Variants in KCNQ1 observed in about 807,000 individuals in gnomAD.
KCNQ1 encodes potassium voltage-gated channel subfamily Q member 1.
Under a neutral mutation model 72.4 loss-of-function variants are expected in KCNQ1, and 49 were observed. The ratio of observed to expected loss-of-function variants is 0.68; its 90% CI spans 0.54 to 0.86. The LOEUF (loss-of-function observed/expected upper bound fraction) is 0.86. Among genes scored for constraint, KCNQ1 ranks in the 40% least tolerant of loss-of-function variants. KCNQ1 has a pLI of 0.00. For missense variants in KCNQ1, 790 were observed against 945.1 expected, an observed-to-expected ratio of 0.84 and a Z score of 2.15; for synonymous variants, 450 against 412.6, an observed-to-expected ratio of 1.09 and a Z score of -1.10.
intron 1 of KCNQ1, among the ~76,000 whole-genome samples, chr11:2,487,701 G>A (rs1846765224): frequency 6.6e-6 from 1 of 151,960 alleles, no homozygotes; most frequent in South Asian, 2.1e-4. Flanking sequence ...AACTGATTTT[G>A]CATGTTTACC....
At chr11:2,610,024 ATAAT>A (rs1264726742) in intron 10 of KCNQ1, 3 of 397,976 alleles carry the variant, frequency 7.5e-6, no homozygotes, top group African/African-American at 4.1e-5. Context: ...TATTATTGAT[ATAAT>A]TAGATTTATA....
At position 2,486,993 on chromosome 11, in the gene KCNQ1, A is replaced by AT. The variant is rs1846750550; in HGVS notation, c.387-40930dup. Among the ~76,000 whole-genome samples, 1 of 152,126 alleles carries AT rather than the reference A, an allele frequency of 6.6e-6. No individual in the cohort carries two copies. The highest frequency in any genetic ancestry group is 2.1e-4 in the South Asian group (1 of 4,832). On this transcript the variant is annotated intron_variant, in intron 1 of 15. Coordinates refer to ENST00000155840, the MANE Select transcript of KCNQ1 (RefSeq NM_000218.3). The surrounding 1 kb of genome is among the most constrained non-coding windows in gnomAD (Gnocchi z 5.0). ...CTTTTGCCCTATGTTTTCTTCTAAG[A>AT]TTTTTATAGTTTTACGTTGCACATT...
rs1021698819 is a variant in KCNQ1, at chr11:2,599,680, T to C, written c.1393+10826T>C. 1.3e-5 allele frequency among the ~76,000 whole-genome samples: 2 copies of C among 152,182 alleles called. No homozygotes were observed. The highest frequency in any genetic ancestry group is 4.8e-5 in the African/African-American group (2 of 41,436). On this transcript the variant is annotated intron_variant, in intron 10 of 15. Transcript: ENST00000155840. The surrounding 1 kb of genome is among the most constrained non-coding windows in gnomAD (Gnocchi z 4.7). ...AAGGCTGCTTTCCCTGAGGCCTCTT[T>C]CCTTGCCTTGCAGATGGCCGCCTTC...
Position 2,469,742 on chromosome 11 carries a change from C to G in KCNQ1, c.386+24258C>G, listed in dbSNP as rs1050714182. Among the ~76,000 whole-genome samples, 5 of 151,812 alleles carry G rather than the reference C, an allele frequency of 3.3e-5. No individual in the cohort carries two copies. In the East Asian group the frequency reaches 5.9e-4, roughly 18 times the overall value. Reference sequence around the variant, plus strand: ...AGGCTGGAGTGCAGTGGCGCGATCTCGGCTCACTGCAAGCTCCGCCTTCCG... The same window carrying G: ...AGGCTGGAGTGCAGTGGCGCGATCTGGGCTCACTGCAAGCTCCGCCTTCCG... On this transcript the variant is annotated intron_variant, in intron 1 of 15. Coordinates refer to ENST00000155840, the MANE Select transcript of KCNQ1 (RefSeq NM_000218.3).
Position 2,484,392 on chromosome 11 carries a change from T to G in KCNQ1, c.386+38908T>G, listed in dbSNP as rs899904979. 6.6e-6 allele frequency among the ~76,000 whole-genome samples: 1 copy of G among 152,174 alleles called. No homozygotes were observed. The highest frequency in any genetic ancestry group is 2.4e-5 in the African/African-American group (1 of 41,444). ...GTTGGCCAGGCTGGTCTTGAACTCC[T>G]AACCTCAGGTGATCCACCCGCCTTG... On this transcript the variant is annotated intron_variant, in intron 1 of 15. Coordinates refer to ENST00000155840, the MANE Select transcript of KCNQ1 (RefSeq NM_000218.3). This position sits in a 1 kb window ranked among gnomAD's most constrained non-coding sequence, Gnocchi z 5.2.
chr11:2,587,535 A>C (rs1848608615), intron 8 of KCNQ1, 35 bp from the exon 9 acceptor site: 2 of 1,612,872 alleles, frequency 1.2e-6, no homozygotes, highest in Non-Finnish European at 1.7e-6. Context: ...CGGGTGGCTC[A>C]GCAGGTGACA....
chr11:2,766,287 G>C lies in KCNQ1; in HGVS notation c.1515-2557G>C, dbSNP rs1213022478. On this transcript the variant is annotated intron_variant, in intron 11 of 15. Coordinates refer to ENST00000155840, the MANE Select transcript of KCNQ1 (RefSeq NM_000218.3). This position sits in a 1 kb window ranked among gnomAD's most constrained non-coding sequence, Gnocchi z 4.4. The stretch of plus-strand genomic sequence containing the variant: ...GCAATCTGGGCTGCCCAGTTGGGTG[G>C]TCTCACTTGGATTCGATGACATGGC... 6.6e-6 allele frequency among the ~76,000 whole-genome samples: 1 copy of C among 152,204 alleles called. No homozygotes were observed. Among genetic ancestry groups the C allele is most frequent in the Non-Finnish European group, 1.5e-5 (1 of 68,038 alleles).
rs766591900 is a variant in KCNQ1, at chr11:2,477,348, T to C, written c.386+31864T>C. On this transcript the variant is annotated intron_variant, in intron 1 of 15. Coordinates refer to ENST00000155840, the MANE Select transcript of KCNQ1 (RefSeq NM_000218.3). This position sits in a 1 kb window ranked among gnomAD's most constrained non-coding sequence, Gnocchi z 5.0. ...TGCTCTTTACAAAGTCATCAAAAAGTTTTTTCTGGAAAAGCCTCCAGCCCA... is the reference window on the plus strand; with the variant it reads ...TGCTCTTTACAAAGTCATCAAAAAGCTTTTTCTGGAAAAGCCTCCAGCCCA... Among the ~76,000 whole-genome samples the C allele has an allele frequency of 6.6e-6, 1 of 152,080 alleles. No homozygotes were observed. Among genetic ancestry groups the C allele is most frequent in the Non-Finnish European group, 1.5e-5 (1 of 68,024 alleles).
chr11:2,726,727 G>A (rs1233609053), intron 11 of KCNQ1, among the ~76,000 whole-genome samples: 3 of 152,158 alleles, frequency 2.0e-5, no homozygotes, highest in East Asian at 1.9e-4. Flanking sequence ...ACTTTAATAC[G>A]GGGGAAATAG....
chr11:2,781,732 T>C lies in KCNQ1; in HGVS notation c.1794+3695T>C, dbSNP rs1342704301. 6.6e-6 allele frequency among the ~76,000 whole-genome samples: 1 copy of C among 152,236 alleles called. No individual in the cohort carries two copies. The highest frequency in any genetic ancestry group is 2.4e-5 in the African/African-American group (1 of 41,468). ...CAAGCTAAGCTCATACTGCTTTTGCTGATATGAGGAGCACAGTGGGCTGGG... is the reference window on the plus strand; with the variant it reads ...CAAGCTAAGCTCATACTGCTTTTGCCGATATGAGGAGCACAGTGGGCTGGG... On this transcript the variant is annotated intron_variant, in intron 15 of 15. Transcript: ENST00000155840. The surrounding 1 kb of genome is among the most constrained non-coding windows in gnomAD (Gnocchi z 6.6).
At chr11:2,807,738 C>T (rs1204589278) in intron 15 of KCNQ1, among the ~76,000 whole-genome samples, 1 of 151,052 alleles carries the variant, frequency 6.6e-6, no homozygotes, top group Admixed American at 6.6e-5. Context: ...CCCGCACTCT[C>T]CTCCCTGACT....
chr11:2,655,421 G>T (rs1849828225), intron 10 of KCNQ1: 1 of 398,648 alleles, frequency 2.5e-6, no homozygotes. Context: ...TTGTCCCCAG[G>T]GCCAGCCACT....
intron 10 of KCNQ1, chr11:2,644,239 G>A (rs1362304865): frequency 2.5e-6 from 1 of 398,084 alleles, no homozygotes; most frequent in Admixed American, 4.4e-5. Context: ...TCACCTTATG[G>A]CATCCTATAG....
intron 11 of KCNQ1, chr11:2,696,363 C>T (rs1850676457): frequency 5.0e-6 from 2 of 398,478 alleles, no homozygotes; most frequent in South Asian, 1.3e-4. Context: ...CTGAACAGTC[C>T]CCACTGATAT....
At position 2,446,501 on chromosome 11, in the gene KCNQ1, G is replaced by C. The variant is rs1846039258; in HGVS notation, c.386+1017G>C. Among the ~76,000 whole-genome samples, 1 of 152,196 alleles carries C rather than the reference G, an allele frequency of 6.6e-6. No individual in the cohort carries two copies. ...CTCGGGCAGGCTCAGTAGAGAACTG[G>C]CTGGAGGGCATCCAGAGGCCTGTCC... On this transcript the variant is annotated intron_variant, in intron 1 of 15. Transcript: ENST00000155840. This position sits in a 1 kb window ranked among gnomAD's most constrained non-coding sequence, Gnocchi z 8.8.
Position 2,748,309 on chromosome 11 carries a change from C to T in KCNQ1, c.1515-20535C>T, listed in dbSNP as rs969653470. Reference sequence around the variant, plus strand: ...CACCCCCTAGCTCACCCTGGGTCCACGCAGGGCCTGCTCCCAGAGTGAATC... The same window carrying T: ...CACCCCCTAGCTCACCCTGGGTCCATGCAGGGCCTGCTCCCAGAGTGAATC... On this transcript the variant is annotated intron_variant, in intron 11 of 15. Coordinates refer to ENST00000155840, the MANE Select transcript of KCNQ1 (RefSeq NM_000218.3). The surrounding 1 kb of genome is among the most constrained non-coding windows in gnomAD (Gnocchi z 6.2). 2.0e-5 allele frequency among the ~76,000 whole-genome samples: 3 copies of T among 152,216 alleles called. No individual in the cohort carries two copies. Among genetic ancestry groups the T allele is most frequent in the Non-Finnish European group, 2.9e-5 (2 of 68,038 alleles).
At position 2,521,618 on chromosome 11, in the gene KCNQ1, C is replaced by G. The variant is rs539566591; in HGVS notation, c.387-6310C>G. 119 of 449,414 alleles carry G rather than the reference C, an allele frequency of 2.6e-4. 1 individual carries two copies. The highest frequency in any genetic ancestry group is 1.8e-3 in the South Asian group (113 of 63,200). 27.8% of individuals were successfully genotyped at this position (449,414 alleles called of 1,614,324 possible). A position where few individuals can be genotyped will look rare whatever the true frequency, so the allele number is the denominator to read the frequency against. ...TTCCAGCTGGAGTTCTAAGGGCACCCCTTGAGCTGCCCACGTGTCTTTGCA... is the reference window on the plus strand; with the variant it reads ...TTCCAGCTGGAGTTCTAAGGGCACCGCTTGAGCTGCCCACGTGTCTTTGCA... On this transcript the variant is annotated intron_variant, in intron 1 of 15. Coordinates refer to ENST00000155840, the MANE Select transcript of KCNQ1 (RefSeq NM_000218.3).
rs771497171 is a variant in KCNQ1, at chr11:2,563,878, G to A, written c.478-6750G>A. 2.6e-5 allele frequency among the ~76,000 whole-genome samples: 4 copies of A among 152,190 alleles called. No homozygotes were observed. Among genetic ancestry groups the A allele is most frequent in the Admixed American group, 6.5e-5 (1 of 15,286 alleles). ...CAAATGGCTTGTGCTTAGCTATTTCGTTGAATGCTGAACTAACAATAGTCA... is the reference window on the plus strand; with the variant it reads ...CAAATGGCTTGTGCTTAGCTATTTCATTGAATGCTGAACTAACAATAGTCA... On this transcript the variant is annotated intron_variant, in intron 2 of 15. Coordinates refer to ENST00000155840, the MANE Select transcript of KCNQ1 (RefSeq NM_000218.3). This position sits in a 1 kb window ranked among gnomAD's most constrained non-coding sequence, Gnocchi z 7.4.
At chr11:2,761,673 A>C (rs1846398469) in intron 11 of KCNQ1, among the ~76,000 whole-genome samples, 1 of 152,144 alleles carries the variant, frequency 6.6e-6, no homozygotes, top group Admixed American at 6.5e-5. Flanking sequence ...CCTGCAAAGG[A>C]GCAAGCCGGG....
Sources: gnomAD v4.1 joint callset for allele counts (sites outside exome capture counted in the v4.1 genomes callset) on GRCh38, gnomAD v4.1.1 for gene constraint, Gnocchi (gnomAD v3.1) non-coding constraint, MANE v1.5 for transcripts, NCBI Gene and HGNC (gene_info 2026-07-23, HGNC 2026-07-21) for gene names.